The following POLA1 variants were observed in gnomAD, a reference collection of about 807,000 sequenced individuals.
POLA1 encodes DNA polymerase alpha 1, catalytic subunit.
POLA1 carries 15 observed loss-of-function variants against 124.0 expected under a neutral mutation model. The observed-to-expected ratio is 0.12, with a 90% CI of 0.08 to 0.19. The LOEUF (loss-of-function observed/expected upper bound fraction) is 0.19. Ranked by LOEUF, POLA1 falls within the 10% of genes least tolerant of loss-of-function variation. POLA1 has a pLI of 1.00. For synonymous variants in POLA1, 408 were observed against 389.4 expected, an observed-to-expected ratio of 1.05 and a Z score of -0.56; for missense variants, 886 against 1,103.4, an observed-to-expected ratio of 0.80 and a Z score of 2.79.
chrX:24,771,688 C>T (rs2045038889), intron 26 of POLA1, among the ~76,000 whole-genome samples: 7 of 111,477 alleles, frequency 6.3e-5, no homozygotes, highest in Admixed American at 5.7e-4. Flanking sequence ...TGGCAGTCAC[C>T]AAGGATCATT....
intron 36 of POLA1, among the ~76,000 whole-genome samples, chrX:24,969,293 C>G (rs2048270655): frequency 9.1e-6 from 1 of 110,479 alleles, no homozygotes; most frequent in Non-Finnish European, 1.9e-5. Flanking sequence ...GGTGGCAGAA[C>G]CCTTTATCTC....
intron 35 of POLA1, among the ~76,000 whole-genome samples, chrX:24,919,208 T>C (rs1430742782): frequency 8.9e-6 from 1 of 112,249 alleles, no homozygotes; most frequent in Admixed American, 9.4e-5. Context: ...TTTACTTAGC[T>C]CCTTTCTTCT....
chrX:24,969,957 C>T (rs979675094), intron 36 of POLA1, among the ~76,000 whole-genome samples: 4 of 112,323 alleles, frequency 3.6e-5, no homozygotes, highest in South Asian at 3.7e-4. Context: ...TGCTGAAGAT[C>T]GTGGCTTGCA....
At chrX:24,882,650 A>C (rs752229998) in intron 34 of POLA1, among the ~76,000 whole-genome samples, 270 of 101,299 alleles carry the variant, frequency 2.7e-3, no homozygotes, top group Non-Finnish European at 4.0e-3. Context: ...ACATGATCTC[A>C]TTCTTTTTTA....
intron 36 of POLA1, among the ~76,000 whole-genome samples, chrX:24,972,498 C>A (rs913042284): frequency 8.9e-6 from 1 of 111,783 alleles, no homozygotes; most frequent in Non-Finnish European, 1.9e-5. Flanking sequence ...AGAATATGCT[C>A]ACCCTGCAGT....
At chrX:24,880,583 G>T in intron 34 of POLA1, among the ~76,000 whole-genome samples, 1 of 111,890 alleles carries the variant, frequency 8.9e-6, no homozygotes, top group Non-Finnish European at 1.9e-5. Context: ...TTCCCCTGGA[G>T]ATCTTAGGGA....
chrX:24,875,161 A>G (rs2046914865), intron 34 of POLA1, among the ~76,000 whole-genome samples: 1 of 111,732 alleles, frequency 8.9e-6, no homozygotes, highest in Non-Finnish European at 1.9e-5. Context: ...GAAAAAAATC[A>G]CATTGGAACA....
intron 36 of POLA1, among the ~76,000 whole-genome samples, chrX:24,977,331 G>T (rs1423108791): frequency 8.9e-6 from 1 of 112,685 alleles, no homozygotes; most frequent in East Asian, 2.8e-4. Flanking sequence ...CTGGAACTCA[G>T]TGTTCCTCAT....
chrX:24,727,257 G>A (rs1216220021), intron 14 of POLA1, among the ~76,000 whole-genome samples, 186 bp downstream of exon 14: 1 of 110,947 alleles, frequency 9.0e-6, no homozygotes, highest in Non-Finnish European at 1.9e-5. Flanking sequence ...AATGCCTGGC[G>A]GTTTAGTCTG....
chrX:24,741,227 C>A, intron 20 of POLA1, 148 bp from the exon 21 acceptor site: 3 of 348,183 alleles, frequency 8.6e-6, no homozygotes, highest in Admixed American at 4.5e-5. Flanking sequence ...ACATACTGAC[C>A]TTATTTTAAA....
intron 35 of POLA1, among the ~76,000 whole-genome samples, chrX:24,921,959 G>T (rs892834000): frequency 8.3e-5 from 9 of 108,186 alleles, no homozygotes; most frequent in African/African-American, 2.9e-4. Flanking sequence ...ACAAGATAAT[G>T]TGCCAGGGAA....
At chrX:24,701,636 A>G (rs2148310101) in intron 2 of POLA1, among the ~76,000 whole-genome samples, 1 of 110,696 alleles carries the variant, frequency 9.0e-6, no homozygotes, top group East Asian at 2.8e-4. Flanking sequence ...GGGTTTCACC[A>G]TGTCGGTCAG....
chrX:24,892,579 A>G (rs1306664221), intron 35 of POLA1, among the ~76,000 whole-genome samples: 1 of 111,770 alleles, frequency 8.9e-6, no homozygotes, highest in Non-Finnish European at 1.9e-5. Context: ...TCCACAGAGG[A>G]TTCTGTATTA....
chrX:24,908,240 G>T (rs886163363), intron 35 of POLA1, among the ~76,000 whole-genome samples: 2 of 110,175 alleles, frequency 1.8e-5, no homozygotes, highest in African/African-American at 6.6e-5. Flanking sequence ...TTTTACTTTC[G>T]TGTAATTTCT....
intron 36 of POLA1, among the ~76,000 whole-genome samples, chrX:24,981,263 C>A (rs2048417314): frequency 8.9e-6 from 1 of 112,171 alleles, no homozygotes; most frequent in Non-Finnish European, 1.9e-5. Flanking sequence ...GCCAGAAGCC[C>A]AAGTCAGGAT....
intron 26 of POLA1, among the ~76,000 whole-genome samples, chrX:24,807,180 T>C (rs773611117): frequency 5.4e-5 from 6 of 111,838 alleles, no homozygotes; most frequent in Non-Finnish European, 1.1e-4. Flanking sequence ...AGGGATGACA[T>C]AGTAGATTTG....
Position 24,715,210 on chromosome X carries a change from G to C in POLA1, c.525+7G>C. ...ACAGGATCTTAACACTGAGGTAAAT[G>C]AATCTCCAGGAGTTGTAAAATATGC... On this transcript the variant is annotated splice_region_variant and intron_variant, in intron 6 of 36. Coordinates refer to ENST00000379068, the MANE Select transcript of POLA1 (RefSeq NM_001330360.2). 1 of 1,072,029 alleles carries C rather than the reference G, an allele frequency of 9.3e-7. No homozygotes were observed. Among genetic ancestry groups the C allele is most frequent in the African/African-American group, 1.8e-5 (1 of 55,300 alleles). 88.3% of individuals were successfully genotyped at this position (1,072,029 alleles called of 1,213,427 possible).
chrX:24,802,017 C>G (rs988212860), intron 26 of POLA1, among the ~76,000 whole-genome samples: 1 of 100,275 alleles, frequency 1.0e-5, no homozygotes, highest in Non-Finnish European at 2.0e-5. Flanking sequence ...TAGGGCAGGC[C>G]GGCAGCCCAG....
rs781289140 is a variant in POLA1, at chrX:24,841,825, G to A, written c.3910G>A (p.Gly1304Ser). ...TENIYDNVFD[G>S]SGTDMEPSLY... Reference sequence around the variant, plus strand: ...GAATATTTATGATAATGTCTTTGATGGTTCGGTTAGTTGTTTCTGTCTTTC... The same window carrying A: ...GAATATTTATGATAATGTCTTTGATAGTTCGGTTAGTTGTTTCTGTCTTTC... The change falls in exon 33 of 37, where the codon GGT becomes AGT. Residue 1304 changes from glycine to serine, a missense_variant. By Grantham distance (56) the Gly-to-Ser change is moderately conservative. This residue lies in a region of POLA1 where 313 missense variants were observed against 359.7 expected (regional missense o/e 0.87). Transcript: ENST00000379068. 7 of 1,187,704 alleles carry A rather than the reference G, an allele frequency of 5.9e-6. No homozygotes were observed. The African/African-American group carries it at 1.2e-4, about 21-fold the overall frequency.
Sources: allele counts gnomAD v4.1 joint callset (sites outside exome capture counted in the v4.1 genomes callset), GRCh38; gene constraint gnomAD v4.1.1; regional missense constraint gnomAD v4.1.1; transcripts MANE v1.5; gene names NCBI Gene and HGNC (gene_info 2026-07-23, HGNC 2026-07-21).